CSMD1: variants seen among roughly 807,000 people sequenced by gnomAD.
CSMD1 encodes CUB and sushi domain-containing protein 1.
A neutral mutation model predicts 417.5 loss-of-function variants in CSMD1; 213 were observed. The ratio of observed to expected loss-of-function variants is 0.51; its 90% CI spans 0.46 to 0.57. The LOEUF is 0.57. CSMD1 is among the 20% of genes least tolerant of loss of function. The pLI is 0.00. For missense variants in CSMD1, 6,923 were observed against 4,529.7 expected (o/e 1.53, Z -15.17); for synonymous variants, 2,862 against 1,736.8 (o/e 1.65, Z -16.11).
At position 3,760,510 on chromosome 8, in the gene CSMD1, T is replaced by C. The variant is rs570013612; in HGVS notation, c.819-6468A>G. Among the ~76,000 whole-genome samples the C allele has an allele frequency of 9.2e-5, 14 of 152,346 alleles. No homozygotes were observed. In the South Asian group the frequency reaches 1.0e-3, roughly 11 times the overall value. On this transcript the variant is annotated intron_variant, in intron 5 of 69. Transcript: ENST00000635120. ...ATTTATAACATACTCCTACTCATTCTTTCATGTAACCTCCCTCAGCCTCAC... is the reference window on the plus strand; with the variant it reads ...ATTTATAACATACTCCTACTCATTCCTTCATGTAACCTCCCTCAGCCTCAC...
chr8:4,113,587 G>C (rs756565260), intron 3 of CSMD1, among the ~76,000 whole-genome samples: 1 of 151,876 alleles, frequency 6.6e-6, no homozygotes, highest in Non-Finnish European at 1.5e-5. Context: ...TGTTATTTTA[G>C]TAGAGACAGA....
chr8:3,895,001 AAGC>A (rs1312202682), intron 5 of CSMD1, among the ~76,000 whole-genome samples: 1 of 152,186 alleles, frequency 6.6e-6, no homozygotes, highest in Non-Finnish European at 1.5e-5. Context: ...TTTGGTATGA[AAGC>A]AGCTTAGTGG....
At chr8:4,880,336 T>C (rs1038057790) in intron 1 of CSMD1, among the ~76,000 whole-genome samples, 2 of 152,098 alleles carry the variant, frequency 1.3e-5, no homozygotes, top group African/African-American at 4.8e-5. Flanking sequence ...AGGCTGCAGC[T>C]AAGATAGTCA....
chr8:4,122,984 C>T (rs1004690104), intron 3 of CSMD1, among the ~76,000 whole-genome samples: 1 of 152,194 alleles, frequency 6.6e-6, no homozygotes, highest in African/African-American at 2.4e-5. Context: ...TGATAATTGG[C>T]AAAGACGTGC....
chr8:4,843,547 A>G (rs1235063161), intron 1 of CSMD1, among the ~76,000 whole-genome samples: 2 of 152,190 alleles, frequency 1.3e-5, no homozygotes, highest in African/African-American at 4.8e-5. Context: ...CTTCACCATC[A>G]TAAAGGCCCA....
intron 1 of CSMD1, among the ~76,000 whole-genome samples, chr8:4,759,730 A>G (rs1206133997): frequency 6.6e-6 from 1 of 152,162 alleles, no homozygotes; most frequent in Admixed American, 6.6e-5. Context: ...CATGTTCCTG[A>G]AAAAGACAAG....
intron 1 of CSMD1, among the ~76,000 whole-genome samples, chr8:4,693,361 T>C (rs7813769): frequency 0.7 from 107,145 of 152,128 alleles, 38,879 homozygotes; most frequent in African/African-American, 0.87. Context: ...CTTATGTGAG[T>C]AGAGTGGAGA....
chr8:4,327,382 ACT>A (rs1409398512), intron 3 of CSMD1, among the ~76,000 whole-genome samples: 1 of 152,058 alleles, frequency 6.6e-6, no homozygotes, highest in Non-Finnish European at 1.5e-5. Flanking sequence ...AAATGGGGAG[ACT>A]CTGCTAATGT....
intron 10 of CSMD1, among the ~76,000 whole-genome samples, chr8:3,556,368 AG>A (rs2116819301): frequency 8.5e-6 from 1 of 118,222 alleles, no homozygotes; most frequent in East Asian, 2.5e-4. Context: ...CTACCCACAA[AG>A]ATTTTTAAAA....
intron 37 of CSMD1, among the ~76,000 whole-genome samples, chr8:3,166,552 A>G (rs957450376): frequency 2.0e-5 from 3 of 152,188 alleles, no homozygotes; most frequent in Non-Finnish European, 2.9e-5. Context: ...AAAATAAAAA[A>G]TAAAAAGAGA....
intron 1 of CSMD1, among the ~76,000 whole-genome samples, chr8:4,675,302 G>C (rs73190862): frequency 0.046 from 7,007 of 152,258 alleles, 231 homozygotes; most frequent in Non-Finnish European, 0.072. Flanking sequence ...AGCCTAAAGA[G>C]AGTTATCAAC....
At chr8:3,807,325 A>G (rs2129075163) in intron 5 of CSMD1, among the ~76,000 whole-genome samples, 1 of 152,306 alleles carries the variant, frequency 6.6e-6, no homozygotes, top group South Asian at 2.1e-4. Context: ...CTGGTTTTGT[A>G]CTTGACAAAG....
chr8:4,177,829 T>G (rs1714704), intron 3 of CSMD1, among the ~76,000 whole-genome samples: 149,593 of 151,350 alleles, frequency 0.99, 73,951 homozygotes, highest in Middle Eastern at 1. Context: ...AGAAAATCTA[T>G]AAGAAATGGA....
chr8:3,843,959 A>T (rs926200234), intron 5 of CSMD1, among the ~76,000 whole-genome samples: 11 of 152,136 alleles, frequency 7.2e-5, no homozygotes, highest in African/African-American at 2.4e-4. Flanking sequence ...AATGATGAGG[A>T]ACTCAGAAAA....
At chr8:3,714,483 G>T (rs1040535119) in intron 6 of CSMD1, among the ~76,000 whole-genome samples, 1 of 148,958 alleles carries the variant, frequency 6.7e-6, no homozygotes, top group Non-Finnish European at 1.5e-5. Context: ...AGCACTTTGG[G>T]AGGCTGAGAC....
At chr8:4,906,167 T>C (rs1341360173) in intron 1 of CSMD1, among the ~76,000 whole-genome samples, 2 of 152,228 alleles carry the variant, frequency 1.3e-5, no homozygotes, top group Non-Finnish European at 2.9e-5. Flanking sequence ...GGAAGTTTCC[T>C]GTGAGAACCC....
intron 10 of CSMD1, among the ~76,000 whole-genome samples, chr8:3,556,413 A>ATATATATATATATATATATATATT: frequency 7.1e-6 from 1 of 141,746 alleles, no homozygotes; most frequent in Non-Finnish European, 1.5e-5. Context: ...ATATATATAT[A>ATATATATATATATATATATATATT]TTCACACACA....
intron 10 of CSMD1, among the ~76,000 whole-genome samples, chr8:3,562,134 C>CAA (rs59050971): frequency 5.5e-5 from 7 of 127,058 alleles, no homozygotes; most frequent in Middle Eastern, 4.2e-3. Flanking sequence ...ATCCAACCCA[C>CAA]AAAAAAAAAA....
chr8:4,715,031 A>AT (rs1413398567), intron 1 of CSMD1, among the ~76,000 whole-genome samples: 16 of 152,212 alleles, frequency 1.1e-4, no homozygotes, highest in East Asian at 1.9e-4. Context: ...CATTTCAAGC[A>AT]TTTTTTTATG....
Sources: gnomAD v4.1 joint callset for allele counts (sites outside exome capture counted in the v4.1 genomes callset) on GRCh38, gnomAD v4.1.1 for gene constraint, MANE v1.5 for transcripts, NCBI Gene and HGNC (gene_info 2026-07-23, HGNC 2026-07-21) for gene names.